The following NOP56 variants were observed in gnomAD, a reference collection of about 807,000 sequenced individuals.
NOP56 encodes the protein NOP56 ribonucleoprotein, also known as nucleolar protein 56.
NOP56 carries 31 observed loss-of-function variants against 58.3 expected under a neutral mutation model. That is an observed-to-expected ratio of 0.53 (90% CI 0.40 to 0.72). NOP56 has a LOEUF of 0.72. NOP56 is among the 30% of genes least tolerant of loss of function. The probability of loss-of-function intolerance (pLI) is 0.00; values close to 1 mark genes in which losing one functional copy is unlikely to be tolerated. For synonymous variants in NOP56, 313 were observed against 282.8 expected (o/e 1.11, Z -1.07); for missense variants, 669 against 739.9 (o/e 0.90, Z 1.11).
At chr20:2,653,258 T>G in intron 2 of NOP56, 21 bp from the exon 3 acceptor site, 1 of 1,591,746 alleles carries the variant, frequency 6.3e-7, no homozygotes, top group Non-Finnish European at 8.6e-7. Context: ...AGGAAACCAC[T>G]TAGCCTCTTT....
At position 2,654,411 on chromosome 20, in the gene NOP56, G is replaced by A. The variant is rs746312837; in HGVS notation, c.209-3G>A. 1 of 1,614,102 alleles carries A rather than the reference G, an allele frequency of 6.2e-7. No individual in the cohort carries two copies. Among genetic ancestry groups the A allele is most frequent in the Admixed American group, 1.7e-5 (1 of 60,022 alleles). Reference sequence around the variant, plus strand: ...TAGTGGGAACTGTGTTCTTTCCCCTGAGGGGTTGTTCATGAGGACCTCCGC... The same window carrying A: ...TAGTGGGAACTGTGTTCTTTCCCCTAAGGGGTTGTTCATGAGGACCTCCGC... On this transcript the variant is annotated splice_polypyrimidine_tract_variant and splice_region_variant and intron_variant, in intron 3 of 11. Coordinates refer to ENST00000329276, the MANE Select transcript of NOP56 (RefSeq NM_006392.4).
In NOP56 at chr20:2,655,923, T is replaced by A. The variant is rs768815151; in HGVS notation, c.910-11T>A. 6.2e-6 allele frequency: 10 copies of A among 1,613,810 alleles called. No homozygotes were observed. Among genetic ancestry groups the A allele is most frequent in the East Asian group, 4.5e-5 (2 of 44,896 alleles). On this transcript the variant is annotated splice_polypyrimidine_tract_variant and intron_variant, in intron 7 of 11. Transcript: ENST00000329276. ...TCATTTCTCTGACTGCTTCCTTGAC[T>A]CTCTCTCCAGGTAGGTGCACGTCTC...
Position 2,654,793 on chromosome 20 carries a change from C to T in NOP56, c.415C>T (p.Leu139=). The T allele has an allele frequency of 1.2e-6, 2 of 1,614,182 alleles. No individual in the cohort carries two copies. Among genetic ancestry groups the T allele is most frequent in the Non-Finnish European group, 1.7e-6 (2 of 1,180,044 alleles). Residue 139 remains leucine (L), a synonymous_variant, in exon 5 of 12, where the codon CTG becomes TTG. Coordinates refer to ENST00000329276, the MANE Select transcript of NOP56 (RefSeq NM_006392.4). Reference sequence around the variant, plus strand: ...CAATCTGGTGAAGGGTCTGACCGATCTGTCAGCTTGTAAAGCACAGCTGGG... The same window carrying T: ...CAATCTGGTGAAGGGTCTGACCGATTTGTCAGCTTGTAAAGCACAGCTGGG... ...FHNLVKGLTD[L]SACKAQLGLG... is the part of the protein sequence containing the mutation.
At chr20:2,654,368 G>A in intron 3 of NOP56, 46 bp from the exon 4 acceptor site, 1 of 1,609,656 alleles carries the variant, frequency 6.2e-7, no homozygotes, top group Non-Finnish European at 8.5e-7. Flanking sequence ...TGTTAGAGTT[G>A]ATCGTCCTTC....
intron 9 of NOP56, 23 bp from the exon 10 acceptor site, chr20:2,656,751 C>CT (rs747002471): frequency 6.2e-7 from 1 of 1,614,160 alleles, no homozygotes; most frequent in South Asian, 1.1e-5. Flanking sequence ...GGCTGACAGG[C>CT]TTTGTCACCC....
chr20:2,653,881 C>T, intron 3 of NOP56: 1 of 311,870 alleles, frequency 3.2e-6, no homozygotes, highest in Non-Finnish European at 6.4e-6. Flanking sequence ...TCTCCATCTC[C>T]TGACCTCGTG....
chr20:2,655,266 G>A (rs868350647), intron 5 of NOP56, 59 bp from the exon 6 acceptor site: 5 of 1,596,786 alleles, frequency 3.1e-6, no homozygotes, highest in African/African-American at 2.7e-5. Context: ...AGGCAAGGCT[G>A]TAGCTCTATG....
chr20:2,656,664 TAGTG>T, intron 9 of NOP56, 106 bp from the exon 10 acceptor site: 1 of 1,606,248 alleles, frequency 6.2e-7, no homozygotes, highest in Non-Finnish European at 8.5e-7. Context: ...GCAGTTCACC[TAGTG>T]AGTGTTGAGA....
intron 8 of NOP56, 177 bp downstream of exon 8, chr20:2,656,211 C>T (rs886249103): frequency 7.5e-6 from 12 of 1,604,876 alleles, no homozygotes; most frequent in Non-Finnish European, 1.0e-5. Flanking sequence ...GACCAAGTTT[C>T]CAGGTCAGCG....
At position 2,655,784 on chromosome 20, in the gene NOP56, CTG is replaced by C. The variant is rs890092329; in HGVS notation, c.909+40_909+41del. On this transcript the variant is annotated intron_variant, in intron 7 of 11. Coordinates refer to ENST00000329276, the MANE Select transcript of NOP56 (RefSeq NM_006392.4). The stretch of plus-strand genomic sequence containing the variant: ...GGACTCAAAAATGGGAGAATAAGGA[CTG>C]TTGCCATGTGCACCTGCACTGCTGT... 1.9e-6 allele frequency: 3 copies of C among 1,613,848 alleles called. No homozygotes were observed. The Admixed American group carries it at 5.0e-5, about 27-fold the overall frequency.
chr20:2,655,136 T>A, intron 5 of NOP56, 189 bp downstream of exon 5: 1 of 1,026,602 alleles, frequency 9.7e-7, no homozygotes. Flanking sequence ...AGAGTAAACC[T>A]ACCCCATATA....
intron 9 of NOP56, 105 bp from the exon 10 acceptor site, chr20:2,656,669 A>T: frequency 6.2e-7 from 1 of 1,607,188 alleles, no homozygotes; most frequent in Non-Finnish European, 8.5e-7. Context: ...TCACCTAGTG[A>T]GTGTTGAGAC....
chr20:2,655,900 A>G (rs909114402), intron 7 of NOP56, 34 bp from the exon 8 acceptor site: 2 of 1,613,826 alleles, frequency 1.2e-6, no homozygotes, highest in African/African-American at 1.3e-5. Flanking sequence ...TCAGCAGTTC[A>G]TTTCTCTGAC....
intron 11 of NOP56, 200 bp from the exon 12 acceptor site, chr20:2,657,729 A>G: frequency 3.3e-6 from 2 of 602,198 alleles, no homozygotes; most frequent in Admixed American, 2.8e-5. Flanking sequence ...TAATGGGCTG[A>G]GGTAATTTCT....
chr20:2,656,060 A>G, intron 8 of NOP56, 26 bp downstream of exon 8: 5 of 1,614,032 alleles, frequency 3.1e-6, no homozygotes, highest in Middle Eastern at 1.6e-4. Flanking sequence ...CCTGCCCACA[A>G]TCAGGTGCCA....
chr20:2,656,371 TCTTAAACTCTCCA>T lies in NOP56; in HGVS notation c.1011-27_1011-15del, dbSNP rs758857178. On this transcript the variant is annotated splice_polypyrimidine_tract_variant and intron_variant, in intron 8 of 11. Transcript: ENST00000329276. Reference sequence around the variant, plus strand: ...TGGCTAATGGGGTTGAAATTTCTGATCTTAAACTCTCCACTGAATATTCTCTCAGAGCCCTGAA... The same window carrying T: ...TGGCTAATGGGGTTGAAATTTCTGATCTGAATATTCTCTCAGAGCCCTGAA... The T allele has an allele frequency of 6.2e-7, 1 of 1,613,626 alleles. No homozygotes were observed. The highest frequency in any genetic ancestry group is 8.5e-7 in the Non-Finnish European group (1 of 1,179,810).
At chr20:2,656,699 G>A (rs1209862628) in intron 9 of NOP56, 75 bp from the exon 10 acceptor site, 1 of 1,613,230 alleles carries the variant, frequency 6.2e-7, no homozygotes, top group South Asian at 1.1e-5. Context: ...GAGTGAAGCT[G>A]AGGGTAGAGG....
chr20:2,655,904 C>T, intron 7 of NOP56, 30 bp from the exon 8 acceptor site: 1 of 1,614,044 alleles, frequency 6.2e-7, no homozygotes, highest in Non-Finnish European at 8.5e-7. Flanking sequence ...CAGTTCATTT[C>T]TCTGACTGCT....
Position 2,656,488 on chromosome 20 carries a change from C to T in NOP56, c.1098C>T (p.Gly366=), listed in dbSNP as rs151080095. The change falls in exon 9 of 12, where the codon GGC becomes GGT. Residue 366 remains glycine, a synonymous_variant. Transcript: ENST00000329276. ...FIGRAAAKNK[G]RISRYLANKC... is the part of the protein sequence containing the mutation. ...GCCGAGCAGCTGCCAAGAACAAAGG[C>T]CGCATCTCCCGATACCTGGCAAACA... 387 of 1,614,184 alleles carry T rather than the reference C, an allele frequency of 2.4e-4. No individual in the cohort carries two copies. The highest frequency in any genetic ancestry group is 1.5e-3 in the Middle Eastern group (9 of 6,062).
Sources: allele counts gnomAD v4.1 joint callset, GRCh38; gene constraint gnomAD v4.1.1; transcripts MANE v1.5; gene names NCBI Gene and HGNC (gene_info 2026-07-23, HGNC 2026-07-21).